FAR2: variants seen among roughly 807,000 people sequenced by gnomAD.
FAR2 encodes the protein epididymis secretory protein Li 81.
In FAR2, 19 loss-of-function variants were observed where a neutral mutation model predicts 56.0. The observed-to-expected ratio is 0.34, with a 90% CI of 0.24 to 0.50. The LOEUF (loss-of-function observed/expected upper bound fraction) is 0.50. Ranked by LOEUF, FAR2 falls within the 20% of genes least tolerant of loss-of-function variation. The pLI is 0.98. For missense variants in FAR2, 508 were observed against 642.2 expected, an observed-to-expected ratio of 0.79 and a Z score of 2.26; for synonymous variants, 219 against 218.8, an observed-to-expected ratio of 1.00 and a Z score of -0.01.
chr12:29,158,039 A>C (rs1199518056), intron 1 of FAR2, among the ~76,000 whole-genome samples: 4 of 152,210 alleles, frequency 2.6e-5, no homozygotes, highest in African/African-American at 9.6e-5. Context: ...TAGCATCTTA[A>C]AGATGGATGG....
intron 2 of FAR2, among the ~76,000 whole-genome samples, chr12:29,284,922 A>G (rs1487085327): frequency 6.6e-6 from 1 of 152,058 alleles, no homozygotes; most frequent in Non-Finnish European, 1.5e-5. Flanking sequence ...GCTCACTGCA[A>G]GCTCCACCTC....
At chr12:29,222,168 G>T (rs761931590) in intron 1 of FAR2, among the ~76,000 whole-genome samples, 1 of 151,806 alleles carries the variant, frequency 6.6e-6, no homozygotes, top group Non-Finnish European at 1.5e-5. Context: ...TTTTATGATC[G>T]ACCACTCTTC....
intron 3 of FAR2, among the ~76,000 whole-genome samples, chr12:29,296,602 C>T (rs1267285472): frequency 6.6e-6 from 1 of 152,168 alleles, no homozygotes; most frequent in Non-Finnish European, 1.5e-5. Context: ...ACAAGAGCAA[C>T]TTACATTGCT....
intron 2 of FAR2, among the ~76,000 whole-genome samples, chr12:29,287,886 T>C (rs905449307): frequency 6.6e-6 from 1 of 152,182 alleles, no homozygotes; most frequent in Non-Finnish European, 1.5e-5. Context: ...AAAAGCATTA[T>C]ATAAATGTAA....
intron 4 of FAR2, among the ~76,000 whole-genome samples, chr12:29,306,923 A>C (rs1475900794): frequency 2.0e-5 from 3 of 152,246 alleles, no homozygotes; most frequent in Non-Finnish European, 4.4e-5. Flanking sequence ...CATAGACTCT[A>C]AACAGACCTT....
intron 10 of FAR2, among the ~76,000 whole-genome samples, chr12:29,328,747 TGGGGGGA>T (rs1949685931): frequency 6.9e-5 from 1 of 14,546 alleles, no homozygotes; most frequent in African/African-American, 2.9e-4. Context: ...TGTTGTGGAG[TGGGGGGA>T]GGGGGGAGGG....
intron 4 of FAR2, among the ~76,000 whole-genome samples, chr12:29,298,292 TTG>T (rs1949104064): frequency 1.3e-5 from 1 of 79,998 alleles, no homozygotes; most frequent in African/African-American, 1.1e-4. Flanking sequence ...TAAGTTTACC[TTG>T]TTTTTTTTTT....
intron 1 of FAR2, among the ~76,000 whole-genome samples, chr12:29,249,042 A>G (rs569704921): frequency 6.6e-6 from 1 of 152,316 alleles, no homozygotes; most frequent in East Asian, 1.9e-4. Context: ...TAGTGCAATT[A>G]TTACAGGGTC....
At chr12:29,184,716 C>T (rs1211294513) in intron 1 of FAR2, among the ~76,000 whole-genome samples, 6 of 152,070 alleles carry the variant, frequency 3.9e-5, no homozygotes, top group Non-Finnish European at 8.8e-5. Flanking sequence ...GGATTACAGG[C>T]GTGAGCCACT....
chr12:29,235,091 C>G (rs939827686), intron 1 of FAR2, among the ~76,000 whole-genome samples: 2 of 152,100 alleles, frequency 1.3e-5, no homozygotes, highest in East Asian at 3.9e-4. Context: ...TCATAGCAAC[C>G]GTTATTTCCA....
chr12:29,326,537 C>T (rs1271223100), intron 10 of FAR2, among the ~76,000 whole-genome samples: 5 of 152,178 alleles, frequency 3.3e-5, no homozygotes, highest in South Asian at 4.1e-4. Flanking sequence ...AGCAACACAT[C>T]AAAAAGCTTA....
chr12:29,172,679 A>T (rs991407247), intron 1 of FAR2, among the ~76,000 whole-genome samples: 4 of 152,130 alleles, frequency 2.6e-5, no homozygotes, highest in Admixed American at 6.5e-5. Flanking sequence ...TAATAAACTT[A>T]TCTTTTAGGA....
intron 9 of FAR2, among the ~76,000 whole-genome samples, chr12:29,319,434 TTTCA>T (rs1949517331): frequency 6.6e-6 from 1 of 152,206 alleles, no homozygotes; most frequent in South Asian, 2.1e-4. Context: ...GGGGCTGGAC[TTTCA>T]TTCATTTATT....
intron 2 of FAR2, among the ~76,000 whole-genome samples, chr12:29,274,485 A>G (rs1948672855): frequency 6.6e-6 from 1 of 151,974 alleles, no homozygotes; most frequent in African/African-American, 2.4e-5. Context: ...GCTATTGTGA[A>G]TAGTGCCGCA....
intron 1 of FAR2, among the ~76,000 whole-genome samples, chr12:29,196,214 C>G (rs914707254): frequency 6.6e-6 from 1 of 151,940 alleles, no homozygotes; most frequent in Non-Finnish European, 1.5e-5. Context: ...GGTAGATACT[C>G]GGTAGTGGAT....
At chr12:29,276,192 T>C (rs1196468527) in intron 2 of FAR2, among the ~76,000 whole-genome samples, 2 of 152,228 alleles carry the variant, frequency 1.3e-5, no homozygotes, top group Non-Finnish European at 2.9e-5. Flanking sequence ...CGTCTTTCTC[T>C]CTTGCCCTCA....
At chr12:29,208,834 T>C (rs1026510754) in intron 1 of FAR2, among the ~76,000 whole-genome samples, 1 of 152,196 alleles carries the variant, frequency 6.6e-6, no homozygotes, top group African/African-American at 2.4e-5. Flanking sequence ...ATTGGACTAA[T>C]GAGTAGGATT....
At chr12:29,300,629 A>AGTTGTT (rs34282694) in intron 4 of FAR2, among the ~76,000 whole-genome samples, 1,526 of 150,200 alleles carry the variant, frequency 0.01, 15 homozygotes, top group Middle Eastern at 0.034. Context: ...CCTGGGGGAA[A>AGTTGTT]GTTGTTGTTG....
At chr12:29,181,889 A>AT (rs1949995173) in intron 1 of FAR2, among the ~76,000 whole-genome samples, 1 of 152,242 alleles carries the variant, frequency 6.6e-6, no homozygotes, top group African/African-American at 2.4e-5. Flanking sequence ...AGGCCTTTGT[A>AT]TTTTTTTGAG....
Sources: allele counts gnomAD v4.1 joint callset (sites outside exome capture counted in the v4.1 genomes callset), GRCh38; gene constraint gnomAD v4.1.1; transcripts MANE v1.5; gene names NCBI Gene and HGNC (gene_info 2026-07-23, HGNC 2026-07-21).